PPP4R3A: variants seen among roughly 807,000 people sequenced by gnomAD.
PPP4R3A encodes the protein protein phosphatase 4 regulatory subunit 3A.
A neutral mutation model predicts 91.7 loss-of-function variants in PPP4R3A; 15 were observed. The observed-to-expected ratio is 0.16, with a 90% CI of 0.11 to 0.25. The LOEUF (loss-of-function observed/expected upper bound fraction) is 0.25. PPP4R3A is among the 10% of genes least tolerant of loss of function. The pLI is 1.00. For synonymous variants in PPP4R3A, 377 were observed against 348.7 expected (o/e 1.08, Z -0.91); for missense variants, 623 against 998.4 (o/e 0.62, Z 5.07).
intron 7 of PPP4R3A, chr14:91,475,096 C>T (rs1236844713): frequency 1.3e-5 from 2 of 151,718 alleles, no homozygotes; most frequent in Non-Finnish European, 2.9e-5. Context: ...TTCCCCTCCT[C>T]CCTTAAGAAG....
At chr14:91,461,998 T>C (rs749906784) in intron 13 of PPP4R3A, 51 bp downstream of exon 13, 1 of 1,439,980 alleles carries the variant, frequency 6.9e-7, no homozygotes, top group Admixed American at 3.1e-5. Flanking sequence ...TAAGAATAAA[T>C]CTAGAGTAAG....
At chr14:91,508,093 A>C (rs1363147167) in intron 1 of PPP4R3A, among the ~76,000 whole-genome samples, 2 of 152,244 alleles carry the variant, frequency 1.3e-5, no homozygotes, top group East Asian at 3.8e-4. Context: ...GTAGGTTATT[A>C]TGTGAGTCAC....
intron 1 of PPP4R3A, among the ~76,000 whole-genome samples, chr14:91,502,857 A>G (rs530797230): frequency 1.3e-5 from 2 of 152,380 alleles, no homozygotes; most frequent in Non-Finnish European, 2.9e-5. Flanking sequence ...TTCAAGGTAA[A>G]AACTCAATGT....
At position 91,509,495 on chromosome 14, in the gene PPP4R3A, G is replaced by T. The variant is rs1891641148; in HGVS notation, c.142+11C>A. On this transcript the variant is annotated intron_variant, in intron 1 of 14. Transcript: ENST00000554943. ...GGCTGCGAGGGTCCCGCCGCGCGGG[G>T]CTTCACTTACCGTCGCTCTCAGCCC... 6.3e-7 allele frequency: 1 copy of T among 1,580,594 alleles called. No homozygotes were observed. Among genetic ancestry groups the T allele is most frequent in the Non-Finnish European group, 8.6e-7 (1 of 1,169,504 alleles).
At chr14:91,460,637 C>CT (rs573677740) in intron 14 of PPP4R3A, among the ~76,000 whole-genome samples, 1,924 of 111,178 alleles carry the variant, frequency 0.017, 79 homozygotes, top group East Asian at 0.028. Context: ...GATTTTGTTC[C>CT]TTTTTTTTTT....
At chr14:91,485,904 T>G (rs1009894783) in intron 2 of PPP4R3A, among the ~76,000 whole-genome samples, 174 bp from the exon 3 acceptor site, 7 of 152,202 alleles carry the variant, frequency 4.6e-5, no homozygotes, top group Non-Finnish European at 1.0e-4. Flanking sequence ...CTTCCCCCAA[T>G]CTATAAAACA....
At chr14:91,507,642 TA>T (rs1891495597) in intron 1 of PPP4R3A, among the ~76,000 whole-genome samples, 1 of 147,428 alleles carries the variant, frequency 6.8e-6, no homozygotes, top group African/African-American at 2.5e-5. Context: ...ACTATAATAA[TA>T]TATACACGGA....
At chr14:91,467,121 G>A (rs550749355) in intron 10 of PPP4R3A, among the ~76,000 whole-genome samples, 2 of 152,256 alleles carry the variant, frequency 1.3e-5, no homozygotes, top group Non-Finnish European at 2.9e-5. Context: ...TGGTCTTTTT[G>A]TTTTGGTCCT....
intron 2 of PPP4R3A, among the ~76,000 whole-genome samples, chr14:91,486,100 G>A (rs1889858494): frequency 6.6e-6 from 1 of 152,228 alleles, no homozygotes; most frequent in Non-Finnish European, 1.5e-5. Flanking sequence ...GCTAGGGCAT[G>A]TTAGGACGAT....
rs771736460 is a variant in PPP4R3A at position 91,461,516 on chromosome 14, C to T, written c.2256G>A (p.Thr752=). 1.9e-4 allele frequency: 306 copies of T among 1,614,016 alleles called. 1 individual carries two copies. The highest frequency in any genetic ancestry group is 2.5e-4 in the Non-Finnish European group (296 of 1,180,032). ...PSFKLSLSSG[T]KTNLTSQSST... ...ATGACTGGCTGGTGAGGTTAGTCTT[C>T]GTTCCACTGGACAGGGAAAGCTTGA... The change falls in exon 14 of 15, where the codon ACG becomes ACA. Residue 752 remains threonine (T), a synonymous_variant. Transcript: ENST00000554943.
chr14:91,477,052 A>C, intron 4 of PPP4R3A, 66 bp from the exon 5 acceptor site: 2 of 1,224,598 alleles, frequency 1.6e-6, no homozygotes, highest in Non-Finnish European at 2.3e-6. Context: ...AATTTCAGGA[A>C]TGCTTTAATA....
intron 1 of PPP4R3A, among the ~76,000 whole-genome samples, chr14:91,491,006 A>T (rs1187409900): frequency 6.6e-6 from 1 of 151,318 alleles, no homozygotes; most frequent in African/African-American, 2.4e-5. Context: ...CCCAGGCTCA[A>T]GAGATTCTCC....
Position 91,458,811 on chromosome 14 carries a change from T to A in PPP4R3A, c.2450A>T (p.Glu817Val), listed in dbSNP as rs1259842446. The A allele has an allele frequency of 4.3e-6, 7 of 1,613,930 alleles. No individual in the cohort carries two copies. The South Asian group carries it at 6.6e-5, about 15-fold the overall frequency. ...CAATGGTAACGTATCTTCCTTATCT[T>A]CATCCTCATCATCATCTTCATCATC... The part of the protein sequence containing the change: ...PDDDEDDDED[E>V]DKEDTLPLSK... Residue 817 changes from glutamate to valine, a missense_variant, in exon 15 of 15, where the codon GAA becomes GTA. This residue lies in a region of PPP4R3A where 201 missense variants were observed against 229.9 expected (regional missense o/e 0.87). Coordinates refer to ENST00000554943, the MANE Select transcript of PPP4R3A (RefSeq NM_001366432.2).
chr14:91,503,439 C>T (rs995500564), intron 1 of PPP4R3A, among the ~76,000 whole-genome samples: 1 of 152,174 alleles, frequency 6.6e-6, no homozygotes, highest in Non-Finnish European at 1.5e-5. Flanking sequence ...TGTTTAACAC[C>T]ACACATGGCT....
chr14:91,464,236 G>A (rs1375070785), intron 11 of PPP4R3A, among the ~76,000 whole-genome samples: 1 of 152,026 alleles, frequency 6.6e-6, no homozygotes, highest in African/African-American at 2.4e-5. Context: ...CAGAAGAATC[G>A]CATGAACCTG....
rs60990476 is a variant in PPP4R3A, at chr14:91,490,895, T to A, written c.143-93A>T. On this transcript the variant is annotated intron_variant, in intron 1 of 14. Transcript: ENST00000554943. ...ACACATATTTCCTTAAAAAAAATAA[T>A]AATAATTTTTTTTTTTTTTTTTTTA... is the stretch of plus-strand genomic sequence containing the variant. 3.2e-3 allele frequency: 1,470 copies of A among 460,752 alleles called. 28 individuals carry two copies. The highest frequency in any genetic ancestry group is 6.6e-3 in the East Asian group (139 of 20,978). The allele number at this position is 460,752 out of a possible 1,614,324, so 28.5% of individuals were successfully genotyped here.
intron 2 of PPP4R3A, among the ~76,000 whole-genome samples, chr14:91,487,406 G>T (rs1889965110): frequency 6.6e-6 from 1 of 152,000 alleles, no homozygotes; most frequent in Non-Finnish European, 1.5e-5. Flanking sequence ...TGGTACTAGG[G>T]AGAGTTACAT....
In PPP4R3A at chr14:91,485,748, G is replaced by A. The variant is rs755149754; in HGVS notation, c.199-18C>T. 4.6e-6 allele frequency: 7 copies of A among 1,525,890 alleles called. No homozygotes were observed. The highest frequency in any genetic ancestry group is 6.3e-6 in the Non-Finnish European group (7 of 1,118,576). The allele number at this position is 1,525,890 out of a possible 1,614,324, so 94.5% of individuals were successfully genotyped here. ...AGAGTGTCCTTTGGAGACATAAAAG[G>A]AGTCTGAATGATTAACATACACTAT... is the stretch of plus-strand genomic sequence containing the variant. On this transcript the variant is annotated intron_variant, in intron 2 of 14. Coordinates refer to ENST00000554943, the MANE Select transcript of PPP4R3A (RefSeq NM_001366432.2).
At chr14:91,486,608 T>C (rs1200732408) in intron 2 of PPP4R3A, among the ~76,000 whole-genome samples, 3 of 152,212 alleles carry the variant, frequency 2.0e-5, no homozygotes, top group Non-Finnish European at 2.9e-5. Context: ...GCATATATTC[T>C]ACAATATGCA....
Sources: gnomAD v4.1 joint callset for allele counts (sites outside exome capture counted in the v4.1 genomes callset) on GRCh38, gnomAD v4.1.1 for gene constraint, gnomAD v4.1.1 regional missense constraint, MANE v1.5 for transcripts, NCBI Gene and HGNC (gene_info 2026-07-23, HGNC 2026-07-21) for gene names.